Variants in KLRD1 observed in about 807,000 individuals in gnomAD.
KLRD1 encodes killer cell lectin like receptor D1.
In KLRD1, 21 loss-of-function variants were observed where a neutral mutation model predicts 22.6. The ratio of observed to expected loss-of-function variants is 0.93; its 90% CI spans 0.66 to 1.34. The LOEUF (loss-of-function observed/expected upper bound fraction) is 1.34, where lower values mean the gene tolerates loss of function less well. KLRD1 is among the 40% of genes most tolerant of loss of function. KLRD1 has a pLI of 0.00. For missense variants in KLRD1, 183 were observed against 208.6 expected, an observed-to-expected ratio of 0.88 and a Z score of 0.76; for synonymous variants, 59 against 71.1, an observed-to-expected ratio of 0.83 and a Z score of 0.85.
intron 1 of KLRD1, among the ~76,000 whole-genome samples, chr12:10,259,836 C>A (rs1949431528): frequency 6.6e-6 from 1 of 152,172 alleles, no homozygotes; most frequent in Non-Finnish European, 1.5e-5. Context: ...CGTTTTGGCA[C>A]ATGCCTGTAA....
chr12:10,265,219 T>A (rs11053719), intron 1 of KLRD1, among the ~76,000 whole-genome samples: 3 of 151,738 alleles, frequency 2.0e-5, no homozygotes, highest in African/African-American at 7.3e-5. Context: ...GGAACTTATT[T>A]TATCATATTA....
chr12:10,328,313 G>C lies in KLRD1; in HGVS notation c.*13520G>C, dbSNP rs1177625200. ...GGAATTTTTTTGTTGTAAGTTTCTTGATTACTGATTCAATCTTCATTCTAG... is the reference window on the plus strand; with the variant it reads ...GGAATTTTTTTGTTGTAAGTTTCTTCATTACTGATTCAATCTTCATTCTAG... On this transcript the variant is annotated 3_prime_UTR_variant, in exon 6 of 6. Coordinates refer to ENST00000336164, the MANE Select transcript of KLRD1 (RefSeq NM_002262.5). 6.6e-6 allele frequency: 1 copy of C among 152,048 alleles called. No homozygotes were observed. The highest frequency in any genetic ancestry group is 1.5e-5 in the Non-Finnish European group (1 of 67,996). 9.4% of individuals were successfully genotyped at this position (152,048 alleles called of 1,614,324 possible). A position where few individuals can be genotyped will look rare whatever the true frequency, so the allele number is the denominator to read the frequency against.
At position 10,326,181 on chromosome 12, in the gene KLRD1, T is replaced by C. The variant is rs527542925; in HGVS notation, c.*11388T>C. The C allele has an allele frequency of 6.6e-5, 10 of 152,188 alleles. No individual in the cohort carries two copies. Among genetic ancestry groups the C allele is most frequent in the Admixed American group, 4.6e-4 (7 of 15,274 alleles). The allele number at this position is 152,188 out of a possible 1,614,324, so 9.4% of individuals were successfully genotyped here. On this transcript the variant is annotated 3_prime_UTR_variant, in exon 6 of 6. Coordinates refer to ENST00000336164, the MANE Select transcript of KLRD1 (RefSeq NM_002262.5). ...TTGTGTTTTTTTTAATATTGAGTTG[T>C]AGGAGTTCTTTATATGTTTTGGATA...
At chr12:10,253,142 A>G (rs556065273) in intron 1 of KLRD1, among the ~76,000 whole-genome samples, 1 of 152,148 alleles carries the variant, frequency 6.6e-6, no homozygotes, top group Non-Finnish European at 1.5e-5. Flanking sequence ...TGGACTTTCT[A>G]GATCTATATG....
intron 1 of KLRD1, among the ~76,000 whole-genome samples, chr12:10,268,580 C>G (rs910690660): frequency 6.6e-6 from 1 of 152,088 alleles, no homozygotes; most frequent in African/African-American, 2.4e-5. Context: ...TCTTTTTTAA[C>G]CATCTGGATA....
At chr12:10,275,005 T>G (rs1463710211) in intron 1 of KLRD1, among the ~76,000 whole-genome samples, 1 of 152,142 alleles carries the variant, frequency 6.6e-6, no homozygotes, top group Non-Finnish European at 1.5e-5. Flanking sequence ...ATTCTCTGCC[T>G]CAGCCTCCTG....
chr12:10,290,028 C>T (rs1178937306), intron 1 of KLRD1, among the ~76,000 whole-genome samples: 4 of 152,192 alleles, frequency 2.6e-5, no homozygotes, highest in African/African-American at 7.2e-5. Flanking sequence ...CCGCCCACCT[C>T]GGCCTCCCAA....
intron 1 of KLRD1, among the ~76,000 whole-genome samples, chr12:10,263,019 A>G (rs1032780504): frequency 6.6e-6 from 1 of 152,072 alleles, no homozygotes; most frequent in African/African-American, 2.4e-5. Context: ...CAAACACCTT[A>G]GACGTAGTGT....
intron 1 of KLRD1, among the ~76,000 whole-genome samples, chr12:10,296,891 C>G (rs1165982373): frequency 6.6e-6 from 1 of 152,206 alleles, no homozygotes; most frequent in African/African-American, 2.4e-5. Context: ...GGGTCAGACA[C>G]TGTTTCAGAG....
At chr12:10,249,403 C>T (rs944531830) in intron 1 of KLRD1, among the ~76,000 whole-genome samples, 3 of 152,142 alleles carry the variant, frequency 2.0e-5, no homozygotes, top group Non-Finnish European at 4.4e-5. Flanking sequence ...CTCATTCAAT[C>T]CCTAGAAAAA....
chr12:10,279,251 T>C (rs937551418), intron 1 of KLRD1, among the ~76,000 whole-genome samples: 3 of 152,144 alleles, frequency 2.0e-5, no homozygotes, highest in African/African-American at 7.2e-5. Context: ...CAGTATTTGG[T>C]TTTCTGTTTC....
At chr12:10,248,865 T>C (rs1018649384) in intron 1 of KLRD1, among the ~76,000 whole-genome samples, 49 of 152,180 alleles carry the variant, frequency 3.2e-4, no homozygotes, top group African/African-American at 1.1e-3. Context: ...CCCAATGTGT[T>C]GGGATTACAG....
At chr12:10,283,282 G>A (rs978615208) in intron 1 of KLRD1, among the ~76,000 whole-genome samples, 11 of 152,190 alleles carry the variant, frequency 7.2e-5, no homozygotes, top group Admixed American at 3.9e-4. Context: ...AACATAGCAT[G>A]AGGGAAGGAC....
intron 1 of KLRD1, among the ~76,000 whole-genome samples, chr12:10,255,190 C>T (rs971921568): frequency 1.3e-5 from 2 of 152,110 alleles, no homozygotes; most frequent in African/African-American, 4.8e-5. Context: ...TACGGAGATT[C>T]CTCAAAGAGC....
intron 1 of KLRD1, among the ~76,000 whole-genome samples, chr12:10,261,327 A>G (rs1949452182): frequency 6.6e-6 from 1 of 152,244 alleles, no homozygotes; most frequent in Non-Finnish European, 1.5e-5. Flanking sequence ...CAGAACTTCA[A>G]TACAATGAAA....
At position 10,319,305 on chromosome 12, in the gene KLRD1, G is replaced by A. The variant is rs1381663261; in HGVS notation, c.*4512G>A. 3.3e-5 allele frequency: 5 copies of A among 152,124 alleles called. No individual in the cohort carries two copies. The highest frequency in any genetic ancestry group is 5.9e-5 in the Non-Finnish European group (4 of 68,028). 9.4% of individuals were successfully genotyped at this position (152,124 alleles called of 1,614,324 possible). A position where few individuals can be genotyped will look rare whatever the true frequency, so the allele number is the denominator to read the frequency against. Reference sequence around the variant, plus strand: ...AATGTACTTACAAATTTTGCTATATGAAAACAGTTATGTCTGTTACTATCA... The same window carrying A: ...AATGTACTTACAAATTTTGCTATATAAAAACAGTTATGTCTGTTACTATCA... On this transcript the variant is annotated 3_prime_UTR_variant, in exon 6 of 6. Coordinates refer to ENST00000336164, the MANE Select transcript of KLRD1 (RefSeq NM_002262.5).
Position 10,326,775 on chromosome 12 carries a change from A to C in KLRD1, c.*11982A>C, listed in dbSNP as rs1471296218. 3.9e-5 allele frequency: 6 copies of C among 152,220 alleles called. No individual in the cohort carries two copies. Among genetic ancestry groups the C allele is most frequent in the Non-Finnish European group, 4.4e-5 (3 of 68,032 alleles). 9.4% of individuals were successfully genotyped at this position (152,220 alleles called of 1,614,324 possible). A position where few individuals can be genotyped will look rare whatever the true frequency, so the allele number is the denominator to read the frequency against. On this transcript the variant is annotated 3_prime_UTR_variant, in exon 6 of 6. Transcript: ENST00000336164. The stretch of plus-strand genomic sequence containing the variant: ...GATACGTATTTATCTCAGTGAGCAA[A>C]GAGATGACTTTGAATAGAATGGGAG...
At chr12:10,268,369 C>T (rs1289602394) in intron 1 of KLRD1, among the ~76,000 whole-genome samples, 1 of 152,042 alleles carries the variant, frequency 6.6e-6, no homozygotes, top group African/African-American at 2.4e-5. Flanking sequence ...AGGACCAGGG[C>T]TGGGAATATA....
At chr12:10,262,253 A>G (rs540215879) in intron 1 of KLRD1, among the ~76,000 whole-genome samples, 186 of 152,174 alleles carry the variant, frequency 1.2e-3, no homozygotes, top group Admixed American at 2.3e-3. Flanking sequence ...CTGGAGCTCA[A>G]TGCTTCAGAA....
Sources: gnomAD v4.1 joint callset for allele counts (sites outside exome capture counted in the v4.1 genomes callset) on GRCh38, gnomAD v4.1.1 for gene constraint, MANE v1.5 for transcripts, NCBI Gene and HGNC (gene_info 2026-07-23, HGNC 2026-07-21) for gene names.